PCCA: variants seen among roughly 807,000 people sequenced by gnomAD.
The protein encoded by PCCA is propionyl-CoA carboxylase subunit alpha, also known as propionyl-CoA carboxylase alpha chain, mitochondrial.
A neutral mutation model predicts 101.3 loss-of-function variants in PCCA; 74 were observed. The observed-to-expected ratio is 0.73, with a 90% CI of 0.61 to 0.89. The LOEUF is 0.89. Among genes scored for constraint, PCCA ranks in the 40% least tolerant of loss-of-function variants. The pLI is 0.00. For missense variants in PCCA, 891 were observed against 907.0 expected (o/e 0.98, Z 0.23); for synonymous variants, 294 against 313.6 (o/e 0.94, Z 0.66).
intron 18 of PCCA, among the ~76,000 whole-genome samples, chr13:100,348,835 C>CT (rs1225742946): frequency 3.7e-5 from 2 of 54,576 alleles, no homozygotes; most frequent in East Asian, 4.5e-4. Flanking sequence ...TTTTCTCTCT[C>CT]TTTTTCTCTT....
intron 12 of PCCA, among the ~76,000 whole-genome samples, chr13:100,275,147 C>G (rs911867149): frequency 2.6e-5 from 4 of 152,072 alleles, no homozygotes; most frequent in African/African-American, 9.7e-5. Flanking sequence ...ACCAAGGGGC[C>G]GCTTGTGGGA....
At chr13:100,194,013 G>T (rs1026284781) in intron 6 of PCCA, among the ~76,000 whole-genome samples, 1 of 151,908 alleles carries the variant, frequency 6.6e-6, no homozygotes, top group African/African-American at 2.4e-5. Context: ...GGAGCATGCA[G>T]TGAGCCGAGA....
chr13:100,329,448 TAAC>T (rs2069207729), intron 16 of PCCA, among the ~76,000 whole-genome samples: 1 of 152,052 alleles, frequency 6.6e-6, no homozygotes, highest in Non-Finnish European at 1.5e-5. Context: ...CAGAAGTTGA[TAAC>T]AACCAATTGA....
chr13:100,516,564 C>G (rs1274754795), intron 22 of PCCA, among the ~76,000 whole-genome samples: 1 of 152,210 alleles, frequency 6.6e-6, no homozygotes, highest in East Asian at 1.9e-4. Context: ...AGCTGCTTTA[C>G]CTGGTGATAC....
intron 4 of PCCA, among the ~76,000 whole-genome samples, chr13:100,117,172 T>A (rs953945280): frequency 3.3e-5 from 5 of 152,196 alleles, no homozygotes; most frequent in Admixed American, 6.5e-5. Context: ...TGTCATTGTG[T>A]TTTTAATTTT....
intron 19 of PCCA, among the ~76,000 whole-genome samples, chr13:100,382,199 G>A (rs1354097012): frequency 1.3e-5 from 2 of 152,160 alleles, no homozygotes; most frequent in Non-Finnish European, 2.9e-5. Flanking sequence ...TTTTATTGCC[G>A]ATGAAAGTGG....
intron 6 of PCCA, chr13:100,160,693 T>G (rs2054375040): frequency 6.6e-6 from 1 of 152,164 alleles, no homozygotes; most frequent in African/African-American, 2.4e-5. Flanking sequence ...TTATGAGCAT[T>G]AAAGGACCAT....
chr13:100,483,974 T>G (rs939938781), intron 21 of PCCA, among the ~76,000 whole-genome samples: 1 of 152,188 alleles, frequency 6.6e-6, no homozygotes, highest in Admixed American at 6.5e-5. Flanking sequence ...TGGGTTTCAG[T>G]TTCACAAATA....
chr13:100,259,788 C>T (rs2062356373), intron 9 of PCCA, among the ~76,000 whole-genome samples: 2 of 152,174 alleles, frequency 1.3e-5, no homozygotes, highest in South Asian at 2.1e-4. Context: ...TTTTGAATAT[C>T]CCCACTAAGA....
chr13:100,224,503 G>A (rs1212613484), intron 7 of PCCA, among the ~76,000 whole-genome samples: 1 of 152,160 alleles, frequency 6.6e-6, no homozygotes, highest in Non-Finnish European at 1.5e-5. Context: ...CTCCCACAGT[G>A]CAGGGGTGGG....
intron 4 of PCCA, among the ~76,000 whole-genome samples, chr13:100,118,095 G>A (rs1290914433): frequency 4.3e-5 from 6 of 140,178 alleles, no homozygotes; most frequent in African/African-American, 8.1e-5. Context: ...CAGCCTGGGC[G>A]ACAGAGCAAG....
chr13:100,328,371 T>TATAATAATAATA (rs58866207), intron 16 of PCCA, among the ~76,000 whole-genome samples: 10 of 141,874 alleles, frequency 7.0e-5, no homozygotes, highest in South Asian at 2.3e-4. Flanking sequence ...TCAAAAAATA[T>TATAATAATAATA]ATAATAATAA....
At chr13:100,341,989 A>ATATATATATATATG (rs2071430679) in intron 18 of PCCA, among the ~76,000 whole-genome samples, 1 of 102,060 alleles carries the variant, frequency 9.8e-6, no homozygotes, top group African/African-American at 3.4e-5. Context: ...ATATGTATTT[A>ATATATATATATATG]TGTGTGTGTA....
At chr13:100,315,141 A>T (rs914243064) in intron 16 of PCCA, among the ~76,000 whole-genome samples, 6 of 152,288 alleles carry the variant, frequency 3.9e-5, no homozygotes, top group African/African-American at 1.4e-4. Flanking sequence ...AATAAATGTG[A>T]TAAGATGTTA....
At chr13:100,323,060 A>G (rs1445033613) in intron 16 of PCCA, among the ~76,000 whole-genome samples, 2 of 152,242 alleles carry the variant, frequency 1.3e-5, no homozygotes, top group Non-Finnish European at 2.9e-5. Context: ...GCTCAGATTA[A>G]AGGGCTAGAT....
intron 1 of PCCA, among the ~76,000 whole-genome samples, chr13:100,095,441 T>C (rs1195639603): frequency 6.6e-6 from 1 of 152,230 alleles, no homozygotes; most frequent in South Asian, 2.1e-4. Context: ...GTAAGGAGAC[T>C]GTGCTCGTAT....
intron 19 of PCCA, among the ~76,000 whole-genome samples, chr13:100,396,971 G>A (rs762154338): frequency 5.9e-5 from 9 of 152,184 alleles, no homozygotes; most frequent in Admixed American, 3.9e-4. Context: ...ACGATAGGGC[G>A]CGCACCTACA....
intron 21 of PCCA, among the ~76,000 whole-genome samples, chr13:100,513,922 A>G (rs954309749): frequency 6.6e-5 from 10 of 152,164 alleles, no homozygotes; most frequent in Non-Finnish European, 1.5e-4. Context: ...AAAACTGTGC[A>G]ATTTGGTCCA....
At chr13:100,468,069 T>G (rs2082677845) in intron 21 of PCCA, among the ~76,000 whole-genome samples, 1 of 152,226 alleles carries the variant, frequency 6.6e-6, no homozygotes, top group Admixed American at 6.5e-5. Context: ...CTTGTATATC[T>G]CCGTCAGAGC....
Sources: allele counts gnomAD v4.1 joint callset (sites outside exome capture counted in the v4.1 genomes callset), GRCh38; gene constraint gnomAD v4.1.1; transcripts MANE v1.5; gene names NCBI Gene and HGNC (gene_info 2026-07-23, HGNC 2026-07-21).